Variants in ANAPC1 observed in about 807,000 individuals in gnomAD.
ANAPC1 encodes anaphase-promoting complex subunit 1.
Under a neutral mutation model 208.0 loss-of-function variants are expected in ANAPC1, and 36 were observed. The observed-to-expected ratio is 0.17, with a 90% CI of 0.13 to 0.23. ANAPC1 has a LOEUF of 0.23. Ranked by LOEUF, ANAPC1 falls within the 10% of genes least tolerant of loss-of-function variation. ANAPC1 has a pLI of 1.00. For synonymous variants in ANAPC1, 378 were observed against 695.2 expected (o/e 0.54, Z 7.18); for missense variants, 942 against 2,011.6 (o/e 0.47, Z 10.17).
intron 6 of ANAPC1, among the ~76,000 whole-genome samples, chr2:111,870,171 T>C (rs1338318913): frequency 6.6e-6 from 1 of 152,266 alleles, no homozygotes; most frequent in Non-Finnish European, 1.5e-5. Context: ...TGTGTTGCAA[T>C]AAACATACAT....
chr2:111,882,211 A>G (rs1573533560), intron 1 of ANAPC1, among the ~76,000 whole-genome samples: 1 of 151,384 alleles, frequency 6.6e-6, no homozygotes, highest in Non-Finnish European at 1.5e-5. Context: ...CAAAAAAAAA[A>G]CCTCTAGACC....
At chr2:111,839,480 C>T (rs11683345) in intron 17 of ANAPC1, among the ~76,000 whole-genome samples, 28,376 of 152,126 alleles carry the variant, frequency 0.19, 2,953 homozygotes, top group Middle Eastern at 0.3. Flanking sequence ...CTATAAATGG[C>T]AATGGCTATT....
intron 38 of ANAPC1, among the ~76,000 whole-genome samples, chr2:111,790,772 A>C (rs1224323106): frequency 6.6e-6 from 1 of 152,142 alleles, no homozygotes; most frequent in African/African-American, 2.4e-5. Flanking sequence ...CTAGGGTGGC[A>C]AAGATAGCTG....
At chr2:111,814,956 C>T (rs111998974) in intron 28 of ANAPC1, among the ~76,000 whole-genome samples, 17,661 of 150,966 alleles carry the variant, frequency 0.12, 1,174 homozygotes, top group Non-Finnish European at 0.16. Context: ...TGGTCCTCTA[C>T]ACTATCGTGC....
chr2:111,807,278 G>A (rs1309339982), intron 29 of ANAPC1, among the ~76,000 whole-genome samples: 2 of 135,636 alleles, frequency 1.5e-5, no homozygotes, highest in Non-Finnish European at 3.2e-5. Flanking sequence ...TAACAACAAA[G>A]GATTATTAGA....
At chr2:111,788,108 T>C (rs183437423) in intron 39 of ANAPC1, 126 bp downstream of exon 39, 1,082 of 1,421,318 alleles carry the variant, frequency 7.6e-4, no homozygotes, top group Admixed American at 1.2e-3. Flanking sequence ...TAGCCAGGAA[T>C]ATAACTAAGT....
chr2:111,850,128 T>A (rs990536548), intron 14 of ANAPC1, among the ~76,000 whole-genome samples: 1 of 152,112 alleles, frequency 6.6e-6, no homozygotes, highest in African/African-American at 2.4e-5. Flanking sequence ...AAAAAGGTTA[T>A]TATTGTTATC....
intron 24 of ANAPC1, among the ~76,000 whole-genome samples, chr2:111,824,602 C>T (rs1025812726): frequency 2.0e-4 from 31 of 152,030 alleles, no homozygotes; most frequent in African/African-American, 7.0e-4. Context: ...TATATTATTG[C>T]TTTTAGACTT....
In ANAPC1 at chr2:111,838,524, C is replaced by A. The variant is rs1680595270; in HGVS notation, c.2041-12G>T. ...CCTTCAAAGTCAAACTGAAAAGTAA[C>A]CCCAAAAGAAAAGATAAAAATCGTA... On this transcript the variant is annotated splice_polypyrimidine_tract_variant and intron_variant, in intron 17 of 47. Transcript: ENST00000341068. 6.3e-7 allele frequency: 1 copy of A among 1,587,938 alleles called. No homozygotes were observed. The highest frequency in any genetic ancestry group is 1.2e-5 in the South Asian group (1 of 86,126).
chr2:111,819,849 C>T (rs1679425016), intron 26 of ANAPC1, among the ~76,000 whole-genome samples: 1 of 152,306 alleles, frequency 6.6e-6, no homozygotes, highest in Middle Eastern at 3.4e-3. Flanking sequence ...TTCTAGCTAA[C>T]TGGAAAGAAA....
At chr2:111,850,946 T>A in intron 13 of ANAPC1, 36 bp from the exon 14 acceptor site, 2 of 1,581,710 alleles carry the variant, frequency 1.3e-6, no homozygotes, top group Non-Finnish European at 1.7e-6. Context: ...AAAAAAATAT[T>A]GCCTTTAATG....
At chr2:111,831,540 C>G in intron 20 of ANAPC1, 106 bp from the exon 21 acceptor site, 1 of 1,012,014 alleles carries the variant, frequency 9.9e-7, no homozygotes, top group Non-Finnish European at 1.5e-6. Context: ...TTTGAAACAA[C>G]TAGAATAATA....
rs754213702 is a variant in ANAPC1, at chr2:111,794,106, G to A, written c.4490C>T (p.Thr1497Ile). ...AGAAGCATTAGGTGCGGACAAATAAGTCATAAAATCTTTGGCAAATTTATG... is the reference window on the plus strand; with the variant it reads ...AGAAGCATTAGGTGCGGACAAATAAATCATAAAATCTTTGGCAAATTTATG... The part of the protein sequence containing the change: ...CLHKFAKDFM[T>I]YLSAPNASVT... The change falls in exon 37 of 48, where the codon ACT becomes ATT. Residue 1497 changes from threonine to isoleucine, a missense_variant. Transcript: ENST00000341068. The A allele has an allele frequency of 7.0e-7, 1 of 1,429,180 alleles. No homozygotes were observed. The highest frequency in any genetic ancestry group is 9.5e-7 in the Non-Finnish European group (1 of 1,047,730). The allele number at this position is 1,429,180 out of a possible 1,614,324, so 88.5% of individuals were successfully genotyped here. A position where few individuals can be genotyped will look rare whatever the true frequency, so the allele number is the denominator to read the frequency against.
intron 37 of ANAPC1, among the ~76,000 whole-genome samples, chr2:111,793,233 T>TTTG (rs567370086): frequency 1.3e-5 from 2 of 150,868 alleles, no homozygotes; most frequent in South Asian, 2.1e-4. Flanking sequence ...TTGTTTCTTT[T>TTTG]TTGTTGTTGT....
rs1558715902 is a variant in ANAPC1, at chr2:111,846,550, TATATA to T, written c.1852+583_1852+587del. 9.2e-4 allele frequency among the ~76,000 whole-genome samples: 65 copies of T among 70,386 alleles called. 2 individuals are homozygous for T. Among genetic ancestry groups the T allele is most frequent in the Non-Finnish European group, 1.1e-3 (45 of 39,344 alleles). 46.2% of individuals were successfully genotyped at this position (70,386 alleles called of 152,430 possible). On this transcript the variant is annotated intron_variant, in intron 16 of 47. Transcript: ENST00000341068. ...ATACATATACATATATATATATATA[TATATA>T]TATATTTTTTTTTTTTTTTTTTTTT...
intron 13 of ANAPC1, among the ~76,000 whole-genome samples, chr2:111,855,974 G>A (rs1400890181): frequency 7.2e-5 from 11 of 152,280 alleles, no homozygotes; most frequent in African/African-American, 1.2e-4. Context: ...GGTGGCTCAC[G>A]CCTGTAATCC....
intron 17 of ANAPC1, among the ~76,000 whole-genome samples, chr2:111,842,642 CA>C (rs1320611057): frequency 0.07 from 5,865 of 83,956 alleles, 107 homozygotes; most frequent in Middle Eastern, 0.12. Context: ...CATTCTGTCT[CA>C]AAAAAAAAAA....
intron 10 of ANAPC1, among the ~76,000 whole-genome samples, chr2:111,859,178 C>T (rs1681913867): frequency 6.6e-6 from 1 of 152,152 alleles, no homozygotes; most frequent in African/African-American, 2.4e-5. Flanking sequence ...TTCCCAAACC[C>T]TTCCTTCTAA....
At chr2:111,844,057 C>T (rs999425230) in intron 16 of ANAPC1, among the ~76,000 whole-genome samples, 1 of 151,956 alleles carries the variant, frequency 6.6e-6, no homozygotes, top group Non-Finnish European at 1.5e-5. Flanking sequence ...CTCCTGACCT[C>T]ATGATCCACC....
Sources: allele counts gnomAD v4.1 joint callset (sites outside exome capture counted in the v4.1 genomes callset), GRCh38; gene constraint gnomAD v4.1.1; transcripts MANE v1.5; gene names NCBI Gene and HGNC (gene_info 2026-07-23, HGNC 2026-07-21).